The following BTBD9 variants were observed in gnomAD, a reference collection of about 807,000 sequenced individuals.
BTBD9 encodes the protein BTB/POZ domain-containing protein 9.
Under a neutral mutation model 64.3 loss-of-function variants are expected in BTBD9, and 49 were observed. That is an observed-to-expected ratio of 0.76 (90% confidence interval 0.61 to 0.97). The LOEUF (loss-of-function observed/expected upper bound fraction) is 0.97. Ranked by LOEUF, BTBD9 falls within the 50% of genes least tolerant of loss-of-function variation. The probability of loss-of-function intolerance (pLI) is 0.00; values close to 1 mark genes in which losing one functional copy is unlikely to be tolerated. For synonymous variants in BTBD9, 260 were observed against 274.7 expected (o/e 0.95, Z 0.53); for missense variants, 598 against 762.1 (o/e 0.78, Z 2.53).
At chr6:38,326,389 G>A (rs974831646) in intron 7 of BTBD9, among the ~76,000 whole-genome samples, 12 of 152,172 alleles carry the variant, frequency 7.9e-5, no homozygotes, top group Non-Finnish European at 1.8e-4. Flanking sequence ...GCTTTCTCCT[G>A]AGGGCAACAG....
chr6:38,310,394 C>G (rs1427983476), intron 7 of BTBD9, among the ~76,000 whole-genome samples: 5 of 151,142 alleles, frequency 3.3e-5, no homozygotes, highest in Non-Finnish European at 5.9e-5. Flanking sequence ...TGGAATGACC[C>G]TAATCAGACT....
chr6:38,616,836 G>A (rs776754042), intron 1 of BTBD9, among the ~76,000 whole-genome samples: 31 of 152,032 alleles, frequency 2.0e-4, no homozygotes, highest in Non-Finnish European at 3.7e-4. Context: ...CCTTGCTACC[G>A]CTCATTCTTT....
intron 7 of BTBD9, among the ~76,000 whole-genome samples, chr6:38,301,313 A>G (rs1475779638): frequency 6.6e-6 from 1 of 152,162 alleles, no homozygotes; most frequent in African/African-American, 2.4e-5. Context: ...ATATTGGTCT[A>G]AAATTCTCGT....
intron 7 of BTBD9, among the ~76,000 whole-genome samples, chr6:38,344,580 T>C (rs1562052863): frequency 6.6e-6 from 1 of 152,124 alleles, no homozygotes; most frequent in Non-Finnish European, 1.5e-5. Flanking sequence ...ATACCACTCA[T>C]ATCCAATCAA....
At chr6:38,204,885 T>C (rs543041714) in intron 9 of BTBD9, among the ~76,000 whole-genome samples, 4 of 152,128 alleles carry the variant, frequency 2.6e-5, no homozygotes, top group African/African-American at 9.7e-5. Flanking sequence ...GAAGCATTAT[T>C]ACATCTTTGA....
At chr6:38,523,221 T>A (rs1477766509) in intron 6 of BTBD9, among the ~76,000 whole-genome samples, 1 of 151,950 alleles carries the variant, frequency 6.6e-6, no homozygotes, top group East Asian at 1.9e-4. Context: ...CTTTGAATTT[T>A]CCATGATGAC....
chr6:38,631,091 A>G (rs1166332850), intron 1 of BTBD9, among the ~76,000 whole-genome samples: 2 of 152,254 alleles, frequency 1.3e-5, no homozygotes, highest in East Asian at 3.8e-4. Flanking sequence ...AATGTATAGA[A>G]TAGAATAGGA....
At chr6:38,245,110 T>C (rs1764137256) in intron 9 of BTBD9, among the ~76,000 whole-genome samples, 1 of 152,212 alleles carries the variant, frequency 6.6e-6, no homozygotes, top group Non-Finnish European at 1.5e-5. Flanking sequence ...TACTGACCCC[T>C]ACAAGTGTTA....
At chr6:38,539,201 G>A (rs1365505317) in intron 6 of BTBD9, among the ~76,000 whole-genome samples, 1 of 152,004 alleles carries the variant, frequency 6.6e-6, no homozygotes, top group Non-Finnish European at 1.5e-5. Context: ...CAAAGCACTG[G>A]GATTACAGGC....
At chr6:38,560,677 C>T (rs1025942507) in intron 6 of BTBD9, among the ~76,000 whole-genome samples, 3 of 152,110 alleles carry the variant, frequency 2.0e-5, no homozygotes, top group African/African-American at 7.2e-5. Flanking sequence ...TATTTCACCA[C>T]CTAGGTACCC....
chr6:38,296,760 C>T (rs755275470), intron 7 of BTBD9, among the ~76,000 whole-genome samples: 1 of 151,862 alleles, frequency 6.6e-6, no homozygotes. Flanking sequence ...TTCCTTTGAC[C>T]CACGAATTAT....
intron 1 of BTBD9, among the ~76,000 whole-genome samples, chr6:38,639,226 T>C (rs1037413802): frequency 2.0e-5 from 3 of 152,168 alleles, no homozygotes; most frequent in African/African-American, 7.2e-5. Context: ...TGCACATACA[T>C]GTGAAGTTAG....
intron 6 of BTBD9, among the ~76,000 whole-genome samples, chr6:38,523,325 T>C (rs1434894372): frequency 6.6e-6 from 1 of 152,160 alleles, no homozygotes; most frequent in Non-Finnish European, 1.5e-5. Context: ...CTGCCACCAC[T>C]CACCAACCGT....
At chr6:38,256,914 CTCTG>C (rs1167194702) in intron 8 of BTBD9, among the ~76,000 whole-genome samples, 2 of 152,118 alleles carry the variant, frequency 1.3e-5, no homozygotes, top group Admixed American at 1.3e-4. Flanking sequence ...CAAGGTGTTT[CTCTG>C]TCACCCTGGC....
intron 1 of BTBD9, among the ~76,000 whole-genome samples, chr6:38,625,175 C>A (rs1457728936): frequency 6.6e-6 from 1 of 152,116 alleles, no homozygotes; most frequent in Non-Finnish European, 1.5e-5. Context: ...AAATCATCAT[C>A]ATCTAGTAGC....
chr6:38,544,754 C>A (rs968258912), intron 6 of BTBD9, among the ~76,000 whole-genome samples: 1 of 151,774 alleles, frequency 6.6e-6, no homozygotes, highest in Non-Finnish European at 1.5e-5. Context: ...TGGTGAAACC[C>A]TGTCTCTACT....
chr6:38,613,234 G>A (rs1392751212), intron 1 of BTBD9, among the ~76,000 whole-genome samples: 2 of 152,112 alleles, frequency 1.3e-5, no homozygotes, highest in Non-Finnish European at 2.9e-5. Context: ...CAAGGCTTGC[G>A]TTTGTAACTC....
rs1369024074 is a variant in BTBD9, at chr6:38,358,865, G to A, written c.1155-13772C>T. Among the ~76,000 whole-genome samples, 11 of 151,044 alleles carry A rather than the reference G, an allele frequency of 7.3e-5. No homozygotes were observed. The East Asian group carries it at 1.4e-3, about 19-fold the overall frequency. Reference sequence around the variant, plus strand: ...CGGCTCACTGCAAGCTCCGCTTCCCGGGTTCACGCCATTCTCCTGCCTCAG... The same window carrying A: ...CGGCTCACTGCAAGCTCCGCTTCCCAGGTTCACGCCATTCTCCTGCCTCAG... On this transcript the variant is annotated intron_variant, in intron 6 of 10. Coordinates refer to ENST00000481247, the MANE Select transcript of BTBD9 (RefSeq NM_001099272.2).
At chr6:38,333,018 C>T (rs550857842) in intron 7 of BTBD9, among the ~76,000 whole-genome samples, 1 of 152,240 alleles carries the variant, frequency 6.6e-6, no homozygotes, top group South Asian at 2.1e-4. Context: ...TGTTCTAGAC[C>T]GTTATCCCAT....
Sources: gnomAD v4.1 joint callset for allele counts (sites outside exome capture counted in the v4.1 genomes callset) on GRCh38, gnomAD v4.1.1 for gene constraint, MANE v1.5 for transcripts, NCBI Gene and HGNC (gene_info 2026-07-23, HGNC 2026-07-21) for gene names.